Variants in EDN3 observed in about 807,000 individuals in gnomAD.
The protein encoded by EDN3 is endothelin 3.
Under a neutral mutation model 21.4 loss-of-function variants are expected in EDN3, and 9 were observed. That is an observed-to-expected ratio of 0.42 (90% CI 0.25 to 0.73). The LOEUF (loss-of-function observed/expected upper bound fraction) is 0.73. Ranked by LOEUF, EDN3 falls within the 30% of genes least tolerant of loss-of-function variation. The pLI is 0.26. For synonymous variants in EDN3, 133 were observed against 126.2 expected (o/e 1.05, Z -0.36); for missense variants, 327 against 309.4 (o/e 1.06, Z -0.43).
Position 59,322,131 on chromosome 20 carries a change from T to C in EDN3, c.543-241T>C, listed in dbSNP as rs906970503. 1.3e-5 allele frequency among the ~76,000 whole-genome samples: 2 copies of C among 152,012 alleles called. No homozygotes were observed. The highest frequency in any genetic ancestry group is 4.8e-5 in the African/African-American group (2 of 41,382). On this transcript the variant is annotated intron_variant, in intron 3 of 4. Coordinates refer to ENST00000337938, the MANE Select transcript of EDN3 (RefSeq NM_207034.3). This position sits in a 1 kb window ranked among gnomAD's most constrained non-coding sequence, Gnocchi z 4.1. ...GTGAAACCCAGTGTGAACTGCATGG[T>C]TTTTCCCCCCTTCTGGGCTTTTAAA...
intron 2 of EDN3, among the ~76,000 whole-genome samples, chr20:59,307,880 C>A (rs1989538010): frequency 6.8e-6 from 1 of 147,646 alleles, no homozygotes; most frequent in African/African-American, 2.5e-5. Context: ...GAGATCGGGT[C>A]TTGTTACATT....
rs1384636971 is a variant in EDN3, at chr20:59,301,619, G to GA, written c.262_263insA (p.Ala88AspfsTer3). 6.2e-7 allele frequency: 1 copy of GA among 1,613,986 alleles called. No individual in the cohort carries two copies. Among genetic ancestry groups the GA allele is most frequent in the Non-Finnish European group, 8.5e-7 (1 of 1,179,998 alleles). Reference sequence around the variant, plus strand: ...TGGGCAGGAGCAGGCGGCCGAGGGGGCCCCTGAGCACCACCGATCCAGGCG... The same window carrying GA: ...TGGGCAGGAGCAGGCGGCCGAGGGGGACCCCTGAGCACCACCGATCCAGGCG... On this transcript the variant is annotated frameshift_variant, in exon 2 of 5. Coordinates refer to ENST00000337938, the MANE Select transcript of EDN3 (RefSeq NM_207034.3). LOFTEE classifies it high-confidence loss of function.
In EDN3 at chr20:59,322,562, C is replaced by T; in HGVS notation, c.588+145C>T. On this transcript the variant is annotated intron_variant, in intron 4 of 4. Transcript: ENST00000337938. This position sits in a 1 kb window ranked among gnomAD's most constrained non-coding sequence, Gnocchi z 4.1. ...CAGATCTCATGGGATGCTGCACCCA[C>T]AAGCAATGGTGCCTTTGGTGGACCG... 2 of 1,099,434 alleles carry T rather than the reference C, an allele frequency of 1.8e-6. No homozygotes were observed. Among genetic ancestry groups the T allele is most frequent in the Non-Finnish European group, 2.7e-6 (2 of 731,384 alleles). The allele number at this position is 1,099,434 out of a possible 1,614,324, so 68.1% of individuals were successfully genotyped here. A position where few individuals can be genotyped will look rare whatever the true frequency, so the allele number is the denominator to read the frequency against.
intron 2 of EDN3, 90 bp downstream of exon 2, chr20:59,301,812 C>G: frequency 2.8e-6 from 4 of 1,444,152 alleles, no homozygotes; most frequent in South Asian, 2.3e-5. Context: ...ACCCCAGCCC[C>G]GCTCAGTTAG....
chr20:59,312,024 A>G (rs374105599), intron 2 of EDN3, among the ~76,000 whole-genome samples: 2 of 148,404 alleles, frequency 1.3e-5, no homozygotes, highest in African/African-American at 2.6e-5. Context: ...AGCATGTATC[A>G]TGGTGTCGGC....
rs374468285 is a variant in EDN3 at position 59,322,487 on chromosome 20, G to A, written c.588+70G>A. 1.9e-6 allele frequency: 3 copies of A among 1,601,770 alleles called. No individual in the cohort carries two copies. The highest frequency in any genetic ancestry group is 1.7e-6 in the Non-Finnish European group (2 of 1,169,342). On this transcript the variant is annotated intron_variant, in intron 4 of 4. Coordinates refer to ENST00000337938, the MANE Select transcript of EDN3 (RefSeq NM_207034.3). The surrounding 1 kb of genome is among the most constrained non-coding windows in gnomAD (Gnocchi z 4.1). ...TGACGTGTCATTCCTTCGGGGGTGG[G>A]TGGAGGGTGTTTTGAGGGGATGGCA...
chr20:59,307,595 C>T (rs1264610608), intron 2 of EDN3, among the ~76,000 whole-genome samples: 2 of 152,202 alleles, frequency 1.3e-5, no homozygotes, highest in East Asian at 3.8e-4. Flanking sequence ...TCCCAGAGTG[C>T]CTCACCTGGG....
In EDN3 at chr20:59,324,412, G is replaced by A. The variant is rs11570351; in HGVS notation, c.670G>A (p.Ala224Thr). ...KLMPGSGLALAPSTCPRCLFQ... is the reference protein window; with the variant it reads ...KLMPGSGLALTPSTCPRCLFQ... ...CATGCCCGGCAGTGGACTCGCCCTC[G>A]CTCCATCTACCTGCCCCCGCTGCCT... Residue 224 changes from alanine (A) to threonine (T), a missense_variant, in exon 5 of 5, where the codon GCT (alanine) becomes ACT (threonine). Physicochemically the swap from Ala to Thr is moderately conservative, Grantham distance 58. Coordinates refer to ENST00000337938, the MANE Select transcript of EDN3 (RefSeq NM_207034.3). 3.2e-4 allele frequency: 517 copies of A among 1,613,938 alleles called. 4 individuals carry two copies. In the African/African-American group the frequency reaches 5.2e-3, roughly 16 times the overall value.
At chr20:59,308,254 T>A (rs772743001) in intron 2 of EDN3, among the ~76,000 whole-genome samples, 1 of 152,190 alleles carries the variant, frequency 6.6e-6, no homozygotes, top group Non-Finnish European at 1.5e-5. Context: ...ATGAGTCTCA[T>A]TCCTGGTGCA....
At position 59,318,692 on chromosome 20, in the gene EDN3, C is replaced by T. The variant is rs968422513; in HGVS notation, c.366-2325C>T. On this transcript the variant is annotated intron_variant, in intron 2 of 4. Coordinates refer to ENST00000337938, the MANE Select transcript of EDN3 (RefSeq NM_207034.3). ...GCCAGAGCCTGTTTGCACACCAGCA[C>T]TTTACCGCGCTTGGCGGCCGGGGAA... 3.3e-5 allele frequency among the ~76,000 whole-genome samples: 5 copies of T among 152,248 alleles called. No homozygotes were observed. In the South Asian group the frequency reaches 1.0e-3, roughly 31 times the overall value.
intron 2 of EDN3, among the ~76,000 whole-genome samples, chr20:59,314,208 G>C (rs1389313731): frequency 6.6e-6 from 1 of 152,196 alleles, no homozygotes; most frequent in African/African-American, 2.4e-5. Flanking sequence ...TTACTGTGCT[G>C]GGTTTGTCCT....
intron 2 of EDN3, 38 bp from the exon 3 acceptor site, chr20:59,320,979 C>T: frequency 6.2e-7 from 1 of 1,613,394 alleles, no homozygotes; most frequent in Non-Finnish European, 8.5e-7. Flanking sequence ...GCAGGGAGGC[C>T]TGGGTGTGCT....
chr20:59,307,892 T>C (rs1335741823), intron 2 of EDN3, among the ~76,000 whole-genome samples: 1 of 151,862 alleles, frequency 6.6e-6, no homozygotes. Flanking sequence ...TGTTACATTG[T>C]TAGGGCTGGG....
At chr20:59,304,157 T>TGTAGATAGGTCTGTA (rs1239071959) in intron 2 of EDN3, among the ~76,000 whole-genome samples, 1 of 151,886 alleles carries the variant, frequency 6.6e-6, no homozygotes, top group Non-Finnish European at 1.5e-5. Flanking sequence ...TCTGTAGATG[T>TGTAGATAGGTCTGTA]GTAGATAGGT....
At chr20:59,316,072 G>C (rs575897472) in intron 2 of EDN3, among the ~76,000 whole-genome samples, 4 of 152,282 alleles carry the variant, frequency 2.6e-5, no homozygotes, top group South Asian at 4.2e-4. Context: ...TGTAGTCCCA[G>C]CTGCTTGGGA....
chr20:59,313,689 T>A (rs565133259), intron 2 of EDN3, among the ~76,000 whole-genome samples: 1 of 152,356 alleles, frequency 6.6e-6, no homozygotes, highest in South Asian at 2.1e-4. Context: ...ACGGTCTGCC[T>A]TGGGTCCTCC....
At chr20:59,320,658 G>C (rs542095819) in intron 2 of EDN3, among the ~76,000 whole-genome samples, 2 of 152,368 alleles carry the variant, frequency 1.3e-5, no homozygotes, top group South Asian at 4.1e-4. Flanking sequence ...CAGAGCCCCA[G>C]GGCGTTCAGG....
intron 2 of EDN3, among the ~76,000 whole-genome samples, chr20:59,320,723 C>T (rs1403209872): frequency 1.3e-5 from 2 of 152,264 alleles, no homozygotes; most frequent in African/African-American, 4.8e-5. Flanking sequence ...AGTGCAGGCA[C>T]ACATGCCCAG....
In EDN3 at chr20:59,324,801, T is replaced by A; in HGVS notation, c.*342T>A. The A allele has an allele frequency of 2.6e-6, 1 of 383,350 alleles. No individual in the cohort carries two copies. 23.7% of individuals were successfully genotyped at this position (383,350 alleles called of 1,614,324 possible). ...CTTGGAGAATAAGTGGACTCCAAGC[T>A]AACTCTTTGCAAATGTAAACACATG... is the stretch of plus-strand genomic sequence containing the variant. On this transcript the variant is annotated 3_prime_UTR_variant, in exon 5 of 5. Coordinates refer to ENST00000337938, the MANE Select transcript of EDN3 (RefSeq NM_207034.3).
Sources: gnomAD v4.1 joint callset for allele counts (sites outside exome capture counted in the v4.1 genomes callset) on GRCh38, gnomAD v4.1.1 for gene constraint, Gnocchi (gnomAD v3.1) non-coding constraint, MANE v1.5 for transcripts, NCBI Gene and HGNC (gene_info 2026-07-23, HGNC 2026-07-21) for gene names.